LONP1: variants seen among roughly 807,000 people sequenced by gnomAD.
The protein encoded by LONP1 is lon protease homolog, mitochondrial.
In LONP1, 31 loss-of-function variants were observed where a neutral mutation model predicts 98.5. The ratio of observed to expected loss-of-function variants is 0.31; its 90% confidence interval spans 0.24 to 0.42. LONP1 has a LOEUF of 0.42. Ranked by LOEUF, LONP1 falls within the 20% of genes least tolerant of loss-of-function variation. LONP1 has a pLI of 1.00. For synonymous variants in LONP1, 781 were observed against 594.7 expected, an observed-to-expected ratio of 1.31 and a Z score of -4.56; for missense variants, 1,336 against 1,350.6, an observed-to-expected ratio of 0.99 and a Z score of 0.17.
rs2145596541 is a variant in LONP1 at position 5,700,921 on chromosome 19, G to A, written c.1374C>T (p.Thr458=). ...ACGTGAGCCAGTCTAGGTAGTTGCG[G>A]GTGACACTGCCAGGGGACAGATGGA... ...LDNHSSEFNV[T]RNYLDWLTSI... Residue 458 remains threonine (T), a synonymous_variant, in exon 9 of 18, where the codon ACC becomes ACT. Transcript: ENST00000360614. The A allele has an allele frequency of 6.2e-7, 1 of 1,614,146 alleles. No individual in the cohort carries two copies. The highest frequency in any genetic ancestry group is 8.5e-7 in the Non-Finnish European group (1 of 1,180,006).
At position 5,693,533 on chromosome 19, in the gene LONP1, G is replaced by C. The variant is rs746901008; in HGVS notation, c.2538+19C>G. ...CCAGGGACTGGGCGGGAGCAGGTGG[G>C]AGCGGATGGCGCGGTCACCTCGGGC... On this transcript the variant is annotated intron_variant, in intron 16 of 17. Coordinates refer to ENST00000360614, the MANE Select transcript of LONP1 (RefSeq NM_004793.4). 1.1e-5 allele frequency: 18 copies of C among 1,613,814 alleles called. No individual in the cohort carries two copies. Among genetic ancestry groups the C allele is most frequent in the Non-Finnish European group, 1.5e-5 (18 of 1,179,872 alleles).
intron 1 of LONP1, among the ~76,000 whole-genome samples, chr19:5,715,416 G>A (rs1221267943): frequency 1.3e-5 from 2 of 150,626 alleles, no homozygotes; most frequent in Non-Finnish European, 3.0e-5. Context: ...GGCCGAGGCG[G>A]GCAGATCACA....
rs550278195 is a variant in LONP1 at position 5,706,875 on chromosome 19, G to A, written c.1146+185C>T. On this transcript the variant is annotated intron_variant, in intron 7 of 17. Transcript: ENST00000360614. ...AGCTTTAAGCTTCCCTGTTCAACGCGGAGAGTTCCACAGCCCAGGACGACA... is the reference window on the plus strand; with the variant it reads ...AGCTTTAAGCTTCCCTGTTCAACGCAGAGAGTTCCACAGCCCAGGACGACA... 4.6e-5 allele frequency among the ~76,000 whole-genome samples: 7 copies of A among 152,334 alleles called. No individual in the cohort carries two copies. In the South Asian group the frequency reaches 8.3e-4, roughly 18 times the overall value.
At chr19:5,696,197 G>A (rs763552324) in intron 12 of LONP1, 27 bp from the exon 13 acceptor site, 2 of 1,612,570 alleles carry the variant, frequency 1.2e-6, no homozygotes, top group Admixed American at 1.7e-5. Flanking sequence ...GGTGCTGGGG[G>A]ACTGGCCGCT....
At position 5,696,652 on chromosome 19, in the gene LONP1, G is replaced by A. The variant is rs371125440; in HGVS notation, c.1773+18C>T. Reference sequence around the variant, plus strand: ...GGCATTGCCGGGTTAGGGGGTCTCCGGGCCTCTCCGCACGCACCTCGTCGA... The same window carrying A: ...GGCATTGCCGGGTTAGGGGGTCTCCAGGCCTCTCCGCACGCACCTCGTCGA... On this transcript the variant is annotated intron_variant, in intron 11 of 17. Coordinates refer to ENST00000360614, the MANE Select transcript of LONP1 (RefSeq NM_004793.4). 1.4e-4 allele frequency: 222 copies of A among 1,610,224 alleles called. No individual in the cohort carries two copies. The highest frequency in any genetic ancestry group is 4.7e-4 in the Admixed American group (28 of 59,848).
In LONP1 at chr19:5,694,899, G is replaced by T. The variant is rs150366480; in HGVS notation, c.2016C>A (p.Arg672=). 6.3e-7 allele frequency: 1 copy of T among 1,593,562 alleles called. No individual in the cohort carries two copies. Among genetic ancestry groups the T allele is most frequent in the African/African-American group, 1.3e-5 (1 of 74,702 alleles). Residue 672 remains arginine, a splice_region_variant and synonymous_variant, in exon 14 of 18, where the codon CGC becomes CGA. Transcript: ENST00000360614. ...GGGCGCGAGCCTGGGGCACCAGGTA[G>T]CGCTGCAAGGGCAACCGTCAGGGTT... The part of the protein sequence containing the change: ...VAQEKLAIAE[R]YLVPQARALC...
rs565373474 is a variant in LONP1 at position 5,718,706 on chromosome 19, T to C, written c.429+998A>G. On this transcript the variant is annotated intron_variant, in intron 1 of 17. Transcript: ENST00000360614. The stretch of plus-strand genomic sequence containing the variant: ...CCACTTTCCACATCAGTAGTTTTTT[T>C]TTTTAAGGGAAGGGGAGCTGGGGGA... Among the ~76,000 whole-genome samples, 97 of 152,168 alleles carry C rather than the reference T, an allele frequency of 6.4e-4. 2 individuals carry two copies. The Middle Eastern group carries it at 0.024, about 37-fold the overall frequency.
Position 5,707,093 on chromosome 19 carries a change from T to G in LONP1, c.1113A>C (p.Glu371Asp). The G allele has an allele frequency of 3.1e-6, 5 of 1,612,906 alleles. No homozygotes were observed. Among genetic ancestry groups the G allele is most frequent in the Non-Finnish European group, 3.4e-6 (4 of 1,179,908 alleles). The change falls in exon 7 of 18, where the codon GAA becomes GAC. Residue 371 changes from glutamate to aspartate, a missense_variant. This residue lies in a region of LONP1 where 97 missense variants were observed against 139.0 expected (regional missense o/e 0.70). Transcript: ENST00000360614. ...KALSLLKKEFELSKLQQRLGR... is the reference protein window; with the variant it reads ...KALSLLKKEFDLSKLQQRLGR... ...CCAGGCGCTGCTGCAGCTTGCTCAG[T>G]TCAAATTCCTTCTTCAGCAGGGAGA...
chr19:5,714,271 C>A lies in LONP1; in HGVS notation c.430G>T (p.Val144Phe). Residue 144 changes from valine (V) to phenylalanine (F), a missense_variant and splice_region_variant, in exon 2 of 18, where the codon GTT (valine) becomes TTT (phenylalanine). Val to Phe is a conservative substitution (Grantham distance 50). Coordinates refer to ENST00000360614, the MANE Select transcript of LONP1 (RefSeq NM_004793.4). Reference sequence around the variant, plus strand: ...AGCTCAACCAACTTCTTATTTTTAACCTAGCATGACAATGACCCCAAAGTG... The same window carrying A: ...AGCTCAACCAACTTCTTATTTTTAAACTAGCATGACAATGACCCCAAAGTG... Reference protein sequence around the residue: ...VFPRFIKIIEVKNKKLVELLR... With the variant: ...VFPRFIKIIEFKNKKLVELLR... The A allele has an allele frequency of 6.2e-7, 1 of 1,610,862 alleles. No individual in the cohort carries two copies. The highest frequency in any genetic ancestry group is 1.1e-5 in the South Asian group (1 of 90,902).
intron 5 of LONP1, 164 bp from the exon 6 acceptor site, chr19:5,707,990 C>T (rs1221150593): frequency 1.3e-6 from 1 of 786,684 alleles, no homozygotes; most frequent in South Asian, 1.8e-5. Context: ...CTCCAGAGTT[C>T]AGGGCCCACC....
At chr19:5,718,465 G>A (rs2055359715) in intron 1 of LONP1, among the ~76,000 whole-genome samples, 1 of 146,016 alleles carries the variant, frequency 6.8e-6, no homozygotes, top group Admixed American at 7.0e-5. Flanking sequence ...ATGACAGAGT[G>A]CAACTTGGTC....
At chr19:5,698,817 G>C (rs953563690) in intron 10 of LONP1, among the ~76,000 whole-genome samples, 1 of 152,252 alleles carries the variant, frequency 6.6e-6, no homozygotes, top group Non-Finnish European at 1.5e-5. Flanking sequence ...TCAAGCCATG[G>C]AGGTTCCTGC....
Position 5,713,172 on chromosome 19 carries a change from A to G in LONP1, c.600T>C (p.Leu200=). 1 of 1,613,336 alleles carries G rather than the reference A, an allele frequency of 6.2e-7. No homozygotes were observed. Among genetic ancestry groups the G allele is most frequent in the Non-Finnish European group, 8.5e-7 (1 of 1,179,728 alleles). The change falls in exon 3 of 18, where the codon CTT becomes CTC. Residue 200 remains leucine (L), a synonymous_variant. Transcript: ENST00000360614. ...TFAQIHEMQD[L]GDKLRMIVMG... ...TGACGATCATGCGCAGCTTGTCCCC[A>G]AGGTCCTGCATCTCATGGATCTGGG...
chr19:5,702,762 G>T (rs927829149), intron 8 of LONP1, among the ~76,000 whole-genome samples: 1 of 151,614 alleles, frequency 6.6e-6, no homozygotes, highest in Non-Finnish European at 1.5e-5. Flanking sequence ...TCCACTCAGG[G>T]TTAAATGGAT....
rs2054827081 is a variant in LONP1, at chr19:5,691,849, T to C, written c.*183A>G. On this transcript the variant is annotated 3_prime_UTR_variant, in exon 18 of 18. Transcript: ENST00000360614. ...GAAGCCGCCGTACTGCAAATGACTT[T>C]AATCATTAAATAGCTTCTATGCCAC... 1 of 815,142 alleles carries C rather than the reference T, an allele frequency of 1.2e-6. No homozygotes were observed. The highest frequency in any genetic ancestry group is 1.9e-6 in the Non-Finnish European group (1 of 525,708). The allele number at this position is 815,142 out of a possible 1,614,324, so 50.5% of individuals were successfully genotyped here.
Position 5,696,056 on chromosome 19 carries a change from C to A in LONP1, c.2011G>T (p.Glu671Ter). The stretch of plus-strand genomic sequence containing the variant: ...CAGTGGGGAGGGGCTGGGCTTACCT[C>A]CGCAATGGCCAGCTTCTCCTGGGCC... ...YVAQEKLAIA[E>*]RYLVPQARAL... Residue 671 changes from glutamate (E) to a stop codon, truncating the protein, a stop_gained and splice_region_variant, in exon 13 of 18, where the codon GAG (glutamate) becomes TAG (stop). Transcript: ENST00000360614. LOFTEE classifies it high-confidence loss of function. The A allele has an allele frequency of 1.2e-6, 2 of 1,611,908 alleles. No individual in the cohort carries two copies. Among genetic ancestry groups the A allele is most frequent in the Non-Finnish European group, 1.7e-6 (2 of 1,179,630 alleles).
chr19:5,703,125 G>T (rs1369915263), intron 8 of LONP1, among the ~76,000 whole-genome samples: 2 of 149,446 alleles, frequency 1.3e-5, no homozygotes, highest in Non-Finnish European at 3.0e-5. Context: ...AGCTTGCAGT[G>T]AGCCGAGATC....
upstream of LONP1, chr19:5,720,233 G>A (rs2055420177): frequency 2.9e-6 from 4 of 1,368,826 alleles, no homozygotes; most frequent in Admixed American, 3.6e-5. Flanking sequence ...TGGGCGCGTG[G>A]CTCGAAACAG....
Position 5,719,917 on chromosome 19 carries a change from G to C in LONP1, c.216C>G (p.Ser72Arg). The change falls in exon 1 of 18, where the codon AGC becomes AGG. Residue 72 changes from serine (S) to arginine (R), a missense_variant. Ser to Arg is a moderately radical substitution (Grantham distance 110). Around this residue, in one of 5 missense-constraint regions of LONP1, gnomAD observed 457 missense variants for 403.1 expected, o/e 1.13. Transcript: ENST00000360614. Reference sequence around the variant, plus strand: ...CCGAGAATGCGCCTCCGCCGCGGCTGCTCGCTTCCCAAAACCCCCGCCATT... The same window carrying C: ...CCGAGAATGCGCCTCCGCCGCGGCTCCTCGCTTCCCAAAACCCCCGCCATT... ...GGQWRGFWEASSRGGGAFSGG... is the reference protein window; with the variant it reads ...GGQWRGFWEARSRGGGAFSGG... 6.5e-7 allele frequency: 1 copy of C among 1,550,104 alleles called. No homozygotes were observed. Among genetic ancestry groups the C allele is most frequent in the Non-Finnish European group, 8.7e-7 (1 of 1,148,488 alleles).
Sources: allele counts gnomAD v4.1 joint callset (sites outside exome capture counted in the v4.1 genomes callset), GRCh38; gene constraint gnomAD v4.1.1; regional missense constraint gnomAD v4.1.1; transcripts MANE v1.5; gene names NCBI Gene and HGNC (gene_info 2026-07-23, HGNC 2026-07-21).